DPY19L2: variants seen among roughly 807,000 people sequenced by gnomAD.
DPY19L2 encodes the protein probable C-mannosyltransferase DPY19L2.
A neutral mutation model predicts 97.9 loss-of-function variants in DPY19L2; 34 were observed. That is an observed-to-expected ratio of 0.35 (90% CI 0.26 to 0.46). The LOEUF is 0.46. Ranked by LOEUF, DPY19L2 falls within the 20% of genes least tolerant of loss-of-function variation. The pLI is 1.00. For synonymous variants in DPY19L2, 230 were observed against 307.9 expected (o/e 0.75, Z 2.65); for missense variants, 623 against 911.4 (o/e 0.68, Z 4.07).
chr12:63,623,509 G>T (rs4044647), intron 8 of DPY19L2, among the ~76,000 whole-genome samples: 1 of 151,326 alleles, frequency 6.6e-6, no homozygotes, highest in African/African-American at 2.4e-5. Context: ...ATATACAAAC[G>T]CATACCTTTT....
intron 21 of DPY19L2, among the ~76,000 whole-genome samples, chr12:63,568,638 A>G (rs1025198840): frequency 6.6e-6 from 1 of 152,002 alleles, no homozygotes; most frequent in Non-Finnish European, 1.5e-5. Context: ...CTGATTGCCA[A>G]TGTGTCATTC....
At chr12:63,604,712 TGTG>T (rs1885753536) in intron 12 of DPY19L2, among the ~76,000 whole-genome samples, 2 of 152,288 alleles carry the variant, frequency 1.3e-5, no homozygotes, top group Non-Finnish European at 2.9e-5. Flanking sequence ...AAAAAAATTC[TGTG>T]GTGAGCTTTT....
chr12:63,579,098 A>G (rs1391854075), intron 19 of DPY19L2, among the ~76,000 whole-genome samples: 1 of 152,174 alleles, frequency 6.6e-6, no homozygotes, highest in Non-Finnish European at 1.5e-5. Context: ...CTCCCACTCC[A>G]CTTTCTGTCT....
chr12:63,653,948 C>A (rs1428308656), intron 4 of DPY19L2, among the ~76,000 whole-genome samples: 3 of 151,776 alleles, frequency 2.0e-5, no homozygotes, highest in Non-Finnish European at 4.4e-5. Context: ...CAAAAATATC[C>A]TTCAGTAATG....
intron 12 of DPY19L2, among the ~76,000 whole-genome samples, chr12:63,604,276 C>G (rs964447874): frequency 9.9e-5 from 15 of 152,090 alleles, no homozygotes; most frequent in Admixed American, 9.8e-4. Flanking sequence ...TTTTTCTTTT[C>G]ATTTTAAAAG....
chr12:63,592,048 CGGAAGGG>C (rs1883150905), intron 16 of DPY19L2, among the ~76,000 whole-genome samples: 50 of 8,280 alleles, frequency 6.0e-3, no homozygotes, highest in Admixed American at 8.8e-3. Flanking sequence ...GGGGAGGGAA[CGGAAGGG>C]AAGGGAAGGC....
In DPY19L2 at chr12:63,596,300, C is replaced by G. The variant is rs1440144519; in HGVS notation, c.1462-263G>C. Among the ~76,000 whole-genome samples, 9 of 151,832 alleles carry G rather than the reference C, an allele frequency of 5.9e-5. No homozygotes were observed. The South Asian group carries it at 1.7e-3, about 28-fold the overall frequency. On this transcript the variant is annotated intron_variant, in intron 14 of 21. Coordinates refer to ENST00000324472, the MANE Select transcript of DPY19L2 (RefSeq NM_173812.5). ...ACTAGAATTGCTATATCTATTTTTTCTTTTCTGTTTTTTATTTACATAATA... is the reference window on the plus strand; with the variant it reads ...ACTAGAATTGCTATATCTATTTTTTGTTTTCTGTTTTTTATTTACATAATA...
intron 5 of DPY19L2, 149 bp from the exon 6 acceptor site, chr12:63,644,645 C>A: frequency 7.8e-7 from 1 of 1,276,136 alleles, no homozygotes; most frequent in Non-Finnish European, 1.1e-6. Flanking sequence ...ATTATTTACC[C>A]TTATAAGAGT....
At chr12:63,636,931 G>A (rs187626205) in intron 6 of DPY19L2, among the ~76,000 whole-genome samples, 24 of 152,098 alleles carry the variant, frequency 1.6e-4, no homozygotes, top group Middle Eastern at 3.4e-3. Context: ...TGCACCAGGC[G>A]GACCTAATAG....
intron 6 of DPY19L2, among the ~76,000 whole-genome samples, chr12:63,640,293 A>G (rs1892489624): frequency 6.6e-6 from 1 of 152,204 alleles, no homozygotes; most frequent in African/African-American, 2.4e-5. Flanking sequence ...TGGCACAAGT[A>G]TACATATGTA....
chr12:63,603,948 G>A (rs1198500649), intron 12 of DPY19L2, among the ~76,000 whole-genome samples: 4 of 152,088 alleles, frequency 2.6e-5, no homozygotes, highest in African/African-American at 9.7e-5. Context: ...ATAGACCAAT[G>A]GAAGAGAATA....
chr12:63,620,086 A>G (rs1888449328), intron 9 of DPY19L2: 1 of 386,478 alleles, frequency 2.6e-6, no homozygotes. Flanking sequence ...TCCAATATAG[A>G]ATATTATTAT....
chr12:63,637,685 A>G (rs1332349000), intron 6 of DPY19L2, among the ~76,000 whole-genome samples: 1 of 152,128 alleles, frequency 6.6e-6, no homozygotes, highest in African/African-American at 2.4e-5. Flanking sequence ...GAATAGACCA[A>G]TAACAGGCTC....
intron 21 of DPY19L2, among the ~76,000 whole-genome samples, chr12:63,562,490 G>T (rs567906791): frequency 7.2e-5 from 11 of 152,126 alleles, no homozygotes; most frequent in Non-Finnish European, 1.5e-4. Context: ...ATGAACATTT[G>T]TGTACAATTA....
intron 21 of DPY19L2, among the ~76,000 whole-genome samples, chr12:63,562,847 G>A (rs552911973): frequency 8.0e-5 from 12 of 150,812 alleles, no homozygotes; most frequent in Non-Finnish European, 1.3e-4. Context: ...GCCGAGTGGA[G>A]TGCAACGGCA....
chr12:63,561,514 T>TTTATTTCATATAAATACATTTCATATAA (rs1876504521), intron 21 of DPY19L2, among the ~76,000 whole-genome samples: 3 of 152,140 alleles, frequency 2.0e-5, no homozygotes, highest in Non-Finnish European at 4.4e-5. Flanking sequence ...ATAAATATAT[T>TTTATTTCATATAAATACATTTCATATAA]ATGTAGTCTT....
At chr12:63,579,311 G>T (rs1285562988) in intron 19 of DPY19L2, among the ~76,000 whole-genome samples, 34 of 152,122 alleles carry the variant, frequency 2.2e-4, no homozygotes, top group Non-Finnish European at 1.5e-5. Context: ...TCACCTTTGT[G>T]CAGTGCACAA....
chr12:63,608,271 T>C (rs2137647231), intron 12 of DPY19L2, among the ~76,000 whole-genome samples: 1 of 152,132 alleles, frequency 6.6e-6, no homozygotes, highest in African/African-American at 2.4e-5. Context: ...AACTACAAAC[T>C]TGAGTTATGT....
At chr12:63,611,110 T>C (rs1487459819) in intron 11 of DPY19L2, among the ~76,000 whole-genome samples, 1 of 151,532 alleles carries the variant, frequency 6.6e-6, no homozygotes, top group Non-Finnish European at 1.5e-5. Context: ...GGCAAAAATG[T>C]AGAAAAATTG....
Sources: gnomAD v4.1 joint callset for allele counts (sites outside exome capture counted in the v4.1 genomes callset) on GRCh38, gnomAD v4.1.1 for gene constraint, MANE v1.5 for transcripts, NCBI Gene and HGNC (gene_info 2026-07-23, HGNC 2026-07-21) for gene names.